HIBADH: variants seen among roughly 807,000 people sequenced by gnomAD.
The protein encoded by HIBADH is 3-hydroxyisobutyrate dehydrogenase, also known as 3-hydroxyisobutyrate dehydrogenase, mitochondrial.
HIBADH carries 25 observed loss-of-function variants against 36.1 expected under a neutral mutation model. The ratio of observed to expected loss-of-function variants is 0.69; its 90% CI spans 0.50 to 0.97. HIBADH has a LOEUF of 0.97. Among genes scored for constraint, HIBADH ranks in the 50% least tolerant of loss-of-function variants. The pLI, the probability that HIBADH is intolerant of heterozygous loss-of-function variation, is 0.00. For synonymous variants in HIBADH, 160 were observed against 149.5 expected, an observed-to-expected ratio of 1.07 and a Z score of -0.51; for missense variants, 421 against 418.0, an observed-to-expected ratio of 1.01 and a Z score of -0.06.
At chr7:27,623,642 C>A (rs1785585276) in intron 4 of HIBADH, among the ~76,000 whole-genome samples, 1 of 151,798 alleles carries the variant, frequency 6.6e-6, no homozygotes, top group South Asian at 2.1e-4. Flanking sequence ...GAAAGCAATC[C>A]CACTTATAAT....
chr7:27,653,585 A>G (rs1230523879), intron 1 of HIBADH, among the ~76,000 whole-genome samples: 1 of 152,082 alleles, frequency 6.6e-6, no homozygotes, highest in Non-Finnish European at 1.5e-5. Flanking sequence ...AATACAAAAA[A>G]AATTAGCCGG....
chr7:27,645,386 T>TGTTTGTTTTG (rs1786049372), intron 2 of HIBADH, among the ~76,000 whole-genome samples: 1 of 133,486 alleles, frequency 7.5e-6, no homozygotes, highest in African/African-American at 2.9e-5. Flanking sequence ...TTTTTTTTTT[T>TGTTTGTTTTG]TTTTTTTTTG....
chr7:27,645,368 A>ATGTTTTTTT (rs1554300959), intron 2 of HIBADH, among the ~76,000 whole-genome samples: 1,008 of 59,620 alleles, frequency 0.017, 301 homozygotes, highest in African/African-American at 0.032. Context: ...CATGGTTTTG[A>ATGTTTTTTT]TTTTTTTTTT....
At chr7:27,567,542 T>G (rs575266633) in intron 4 of HIBADH, among the ~76,000 whole-genome samples, 1 of 152,268 alleles carries the variant, frequency 6.6e-6, no homozygotes, top group African/African-American at 2.4e-5. Flanking sequence ...CCACTATGTT[T>G]TTAGTTCCTC....
intron 1 of HIBADH, among the ~76,000 whole-genome samples, chr7:27,660,168 T>C (rs544442131): frequency 3.0e-4 from 45 of 152,386 alleles, no homozygotes; most frequent in African/African-American, 1.1e-3. Flanking sequence ...ATTCATATGA[T>C]ATAAACATCT....
chr7:27,540,144 G>A (rs1784127397), intron 5 of HIBADH, among the ~76,000 whole-genome samples: 1 of 152,020 alleles, frequency 6.6e-6, no homozygotes, highest in South Asian at 2.1e-4. Context: ...GTTTTTGTAT[G>A]GTACCAATCC....
chr7:27,527,451 C>T (rs999532438), intron 7 of HIBADH, among the ~76,000 whole-genome samples: 11 of 152,162 alleles, frequency 7.2e-5, no homozygotes, highest in African/African-American at 1.9e-4. Flanking sequence ...TGGATGAATT[C>T]AAGGCATATT....
At chr7:27,530,547 AAACAAAC>A (rs1783979269) in intron 7 of HIBADH, among the ~76,000 whole-genome samples, 1 of 151,922 alleles carries the variant, frequency 6.6e-6, no homozygotes, top group East Asian at 1.9e-4. Flanking sequence ...ACAAACAAAC[AAACAAAC>A]AAAAACCAAC....
intron 4 of HIBADH, among the ~76,000 whole-genome samples, chr7:27,613,091 A>C (rs1785353615): frequency 8.0e-6 from 1 of 124,780 alleles, no homozygotes; most frequent in Non-Finnish European, 1.6e-5. Flanking sequence ...AAATTATATA[A>C]ATTATAATTT....
chr7:27,648,049 T>C (rs1209645230), intron 2 of HIBADH, among the ~76,000 whole-genome samples: 1 of 152,198 alleles, frequency 6.6e-6, no homozygotes, highest in South Asian at 2.1e-4. Context: ...GATAAACCAC[T>C]GTAAAATGGC....
At chr7:27,629,082 G>A (rs1249859173) in intron 4 of HIBADH, among the ~76,000 whole-genome samples, 1 of 150,414 alleles carries the variant, frequency 6.6e-6, no homozygotes, top group African/African-American at 2.4e-5. Flanking sequence ...TTTTTCAATA[G>A]TTCCAAAAAA....
intron 4 of HIBADH, among the ~76,000 whole-genome samples, chr7:27,547,398 T>C (rs961388371): frequency 1.3e-5 from 2 of 152,192 alleles, no homozygotes; most frequent in South Asian, 2.1e-4. Context: ...ATTTTATTCA[T>C]AGCATTTATC....
In HIBADH at chr7:27,618,904, T is replaced by C. The variant is rs1562646485; in HGVS notation, c.484+10467A>G. ...AGGTCTCCTGAGTAGTTACTCATTA[T>C]TGCAAGGACAGCACCAAGGGGATGG... On this transcript the variant is annotated intron_variant, in intron 4 of 7. Transcript: ENST00000265395. Among the ~76,000 whole-genome samples, 6 of 152,304 alleles carry C rather than the reference T, an allele frequency of 3.9e-5. No homozygotes were observed. In the East Asian group the frequency reaches 9.7e-4, roughly 25 times the overall value.
At chr7:27,576,524 T>A (rs1050538284) in intron 4 of HIBADH, among the ~76,000 whole-genome samples, 2 of 152,216 alleles carry the variant, frequency 1.3e-5, no homozygotes, top group Admixed American at 6.5e-5. Context: ...TAAAAGTTGA[T>A]TACTAAACAG....
At chr7:27,629,013 T>C (rs902145015) in intron 4 of HIBADH, among the ~76,000 whole-genome samples, 2 of 152,088 alleles carry the variant, frequency 1.3e-5, no homozygotes, top group South Asian at 2.1e-4. Flanking sequence ...CAATTGTTTT[T>C]CTTTTTTTCC....
At chr7:27,569,669 C>T (rs1000317) in intron 4 of HIBADH, among the ~76,000 whole-genome samples, 23,458 of 151,914 alleles carry the variant, frequency 0.15, 1,993 homozygotes, top group Middle Eastern at 0.19. Flanking sequence ...ACTACCCCAC[C>T]TCCATCCCCC....
At chr7:27,609,347 T>C (rs1785285550) in intron 4 of HIBADH, among the ~76,000 whole-genome samples, 3 of 152,182 alleles carry the variant, frequency 2.0e-5, no homozygotes. Flanking sequence ...TGCCAAAGAA[T>C]GTAAAAAGAG....
At chr7:27,542,837 A>C in intron 5 of HIBADH, 130 bp downstream of exon 5, 1 of 1,040,316 alleles carries the variant, frequency 9.6e-7, no homozygotes, top group Non-Finnish European at 1.4e-6. Flanking sequence ...TATTCCAAAT[A>C]AATGTTTTAA....
At chr7:27,563,609 C>T (rs1028783784) in intron 4 of HIBADH, among the ~76,000 whole-genome samples, 2 of 152,156 alleles carry the variant, frequency 1.3e-5, no homozygotes, top group Non-Finnish European at 2.9e-5. Context: ...ATGATGTGTA[C>T]TGGTATTTCA....
Sources: gnomAD v4.1 joint callset for allele counts (sites outside exome capture counted in the v4.1 genomes callset) on GRCh38, gnomAD v4.1.1 for gene constraint, MANE v1.5 for transcripts, NCBI Gene and HGNC (gene_info 2026-07-23, HGNC 2026-07-21) for gene names.